The following DHX38 variants were observed in gnomAD, a reference collection of about 807,000 sequenced individuals.
The protein encoded by DHX38 is pre-mRNA-splicing factor ATP-dependent RNA helicase PRP16.
In DHX38, 100 loss-of-function variants were observed where a neutral mutation model predicts 153.1. That is an observed-to-expected ratio of 0.65 (90% CI 0.56 to 0.77). DHX38 has a LOEUF of 0.77. Ranked by LOEUF, DHX38 falls within the 30% of genes least tolerant of loss-of-function variation. The pLI is 0.00. For synonymous variants in DHX38, 650 were observed against 631.7 expected (o/e 1.03, Z -0.43); for missense variants, 1,440 against 1,654.0 (o/e 0.87, Z 2.24).
intron 25 of DHX38, 99 bp downstream of exon 25, chr16:72,109,609 T>TTC (rs1491475844): frequency 9.0e-7 from 1 of 1,110,160 alleles, no homozygotes; most frequent in African/African-American, 1.6e-5. Flanking sequence ...ACCCACTTAC[T>TTC]TCTCTCTGCA....
At position 72,096,495 on chromosome 16, in the gene DHX38, A is replaced by G. The variant is rs766477020; in HGVS notation, c.323+15A>G. On this transcript the variant is annotated intron_variant, in intron 2 of 26. Transcript: ENST00000268482. Reference sequence around the variant, plus strand: ...CGGAAAGACAGGTAAAGGCCTTAGTATGGGTTAGCCCAGAGGGAAGCGAAC... The same window carrying G: ...CGGAAAGACAGGTAAAGGCCTTAGTGTGGGTTAGCCCAGAGGGAAGCGAAC... 8 of 1,605,288 alleles carry G rather than the reference A, an allele frequency of 5.0e-6. No individual in the cohort carries two copies. Among genetic ancestry groups the G allele is most frequent in the Non-Finnish European group, 6.8e-6 (8 of 1,176,056 alleles).
intron 7 of DHX38, 149 bp from the exon 8 acceptor site, chr16:72,099,583 G>A: frequency 9.3e-7 from 1 of 1,072,624 alleles, no homozygotes; most frequent in Non-Finnish European, 1.3e-6. Context: ...GATGGCATGT[G>A]TCTGCAGGGA....
intron 12 of DHX38, 71 bp from the exon 13 acceptor site, chr16:72,103,531 G>C (rs983897574): frequency 8.5e-6 from 13 of 1,523,784 alleles, no homozygotes; most frequent in Non-Finnish European, 1.2e-5. Context: ...GGAGGTAGCG[G>C]AGTCTTCTTG....
chr16:72,103,838 A>T lies in DHX38; in HGVS notation c.1824+50A>T, dbSNP rs748046995. ...ATGTAGTTATTCCCTAGTAGCTTCC[A>T]CCCATTTTTGCTAAAGGGTGTGATC... On this transcript the variant is annotated intron_variant, in intron 13 of 26. Coordinates refer to ENST00000268482, the MANE Select transcript of DHX38 (RefSeq NM_014003.4). The T allele has an allele frequency of 1.3e-5, 20 of 1,596,510 alleles. No individual in the cohort carries two copies. In the South Asian group the frequency reaches 2.2e-4, roughly 18 times the overall value.
Position 72,103,660 on chromosome 16 carries a change from ACG to A in DHX38, c.1698_1699del (p.Gln567ValfsTer4), listed in dbSNP as rs771683810. On this transcript the variant is annotated frameshift_variant, in exon 13 of 27. Coordinates refer to ENST00000268482, the MANE Select transcript of DHX38 (RefSeq NM_014003.4). LOFTEE classifies it high-confidence loss of function. The part of the protein sequence containing the change: ...ETGSGKTTQL[T>X]QYLHEDGYTD... Reference sequence around the variant, plus strand: ...GGGGAGTGGTAAGACCACTCAGCTGACGCAGTACCTGCATGAAGATGGTTACA... The same window carrying A: ...GGGGAGTGGTAAGACCACTCAGCTGACAGTACCTGCATGAAGATGGTTACA... The A allele has an allele frequency of 6.2e-7, 1 of 1,613,954 alleles. No homozygotes were observed. Among genetic ancestry groups the A allele is most frequent in the Non-Finnish European group, 8.5e-7 (1 of 1,179,828 alleles).
At chr16:72,100,125 C>G (rs1163471128) in intron 8 of DHX38, among the ~76,000 whole-genome samples, 1 of 152,168 alleles carries the variant, frequency 6.6e-6, no homozygotes, top group Non-Finnish European at 1.5e-5. Context: ...TTGATGGGAA[C>G]AGGTGCATTG....
intron 3 of DHX38, chr16:72,097,329 G>C: frequency 2.5e-6 from 1 of 404,956 alleles, no homozygotes; most frequent in Non-Finnish European, 4.5e-6. Context: ...CAGTGCTATG[G>C]AACAAAGCTA....
In DHX38 at chr16:72,103,025, G is replaced by C. The variant is rs1459645186; in HGVS notation, c.1500-49G>C. ...GGAGGGCAGCAACCCAATCAGGAAG[G>C]ACAGCATGGGGCACCATGCAGGGTG... On this transcript the variant is annotated intron_variant, in intron 11 of 26. Coordinates refer to ENST00000268482, the MANE Select transcript of DHX38 (RefSeq NM_014003.4). 13 of 1,601,206 alleles carry C rather than the reference G, an allele frequency of 8.1e-6. No homozygotes were observed. In the Admixed American group the frequency reaches 2.2e-4, roughly 27 times the overall value.
At chr16:72,110,839 T>A in intron 25 of DHX38, 117 bp from the exon 26 acceptor site, 3 of 1,382,722 alleles carry the variant, frequency 2.2e-6, no homozygotes, top group African/African-American at 1.5e-5. Context: ...GGCAGCCATG[T>A]GGAGCACTGG....
Position 72,099,256 on chromosome 16 carries a change from G to C in DHX38, c.936G>C (p.Arg312=), listed in dbSNP as rs1567604672. Residue 312 remains arginine, a synonymous_variant, in exon 7 of 27, where the codon CGG becomes CGC. Coordinates refer to ENST00000268482, the MANE Select transcript of DHX38 (RefSeq NM_014003.4). ...TTTCATTTGACACGGAGGAGGAGCG[G>C]CAGCAGTGGGAAGATGACCAGAGGG... ...EGISFDTEEE[R]QQWEDDQRQA... The C allele has an allele frequency of 6.2e-7, 1 of 1,612,532 alleles. No homozygotes were observed. The highest frequency in any genetic ancestry group is 8.5e-7 in the Non-Finnish European group (1 of 1,179,504).
At position 72,104,213 on chromosome 16, in the gene DHX38, G is replaced by T. The variant is rs12325142; in HGVS notation, c.2010+82G>T. 0.38 allele frequency: 576,318 copies of T among 1,527,510 alleles called. 114,459 individuals carry two copies. Among genetic ancestry groups the T allele is most frequent in the African/African-American group, 0.71 (52,385 of 73,288 alleles). 94.6% of individuals were successfully genotyped at this position (1,527,510 alleles called of 1,614,324 possible). On this transcript the variant is annotated intron_variant, in intron 14 of 26. Coordinates refer to ENST00000268482, the MANE Select transcript of DHX38 (RefSeq NM_014003.4). This position sits in a 1 kb window ranked among gnomAD's most constrained non-coding sequence, Gnocchi z 4.5. Reference sequence around the variant, plus strand: ...AGTAGCTAGTGGGTTGCTCCAGGTGGGCTGAGGGGGTCTCTGGTAGGCCAG... The same window carrying T: ...AGTAGCTAGTGGGTTGCTCCAGGTGTGCTGAGGGGGTCTCTGGTAGGCCAG...
Position 72,104,082 on chromosome 16 carries a change from C to T in DHX38, c.1961C>T (p.Ala654Val). 1.2e-6 allele frequency: 2 copies of T among 1,614,150 alleles called. No homozygotes were observed. The highest frequency in any genetic ancestry group is 1.7e-6 in the Non-Finnish European group (2 of 1,180,036). Residue 654 changes from alanine (A) to valine (V), a missense_variant, in exon 14 of 27, where the codon GCC (alanine) becomes GTC (valine). Physicochemically the swap from Ala to Val is moderately conservative, Grantham distance 64. Coordinates refer to ENST00000268482, the MANE Select transcript of DHX38 (RefSeq NM_014003.4). The surrounding 1 kb of genome is among the most constrained non-coding windows in gnomAD (Gnocchi z 4.5). Reference sequence around the variant, plus strand: ...TACAGTGCCATCATCATGGACGAGGCCCACGAGCGCTCCCTCAACACTGAC... The same window carrying T: ...TACAGTGCCATCATCATGGACGAGGTCCACGAGCGCTCCCTCAACACTGAC... ...DHYSAIIMDE[A>V]HERSLNTDVL...
chr16:72,096,542 C>T lies in DHX38; in HGVS notation c.323+62C>T, dbSNP rs370538568. 15 of 1,495,494 alleles carry T rather than the reference C, an allele frequency of 1.0e-5. No individual in the cohort carries two copies. The South Asian group carries it at 1.6e-4, about 16-fold the overall frequency. 92.6% of individuals were successfully genotyped at this position (1,495,494 alleles called of 1,614,324 possible). ...GAACGGAGGCTGGAAAATAACAGCTCATGTTTATCTCTCAGTTTTCCTGTT... is the reference window on the plus strand; with the variant it reads ...GAACGGAGGCTGGAAAATAACAGCTTATGTTTATCTCTCAGTTTTCCTGTT... On this transcript the variant is annotated intron_variant, in intron 2 of 26. Coordinates refer to ENST00000268482, the MANE Select transcript of DHX38 (RefSeq NM_014003.4).
At position 72,105,798 on chromosome 16, in the gene DHX38, A is replaced by G. The variant is rs1347887812; in HGVS notation, c.2487+174A>G. 4.6e-5 allele frequency among the ~76,000 whole-genome samples: 7 copies of G among 152,122 alleles called. 1 individual carries two copies. In the East Asian group the frequency reaches 1.4e-3, roughly 29 times the overall value. On this transcript the variant is annotated intron_variant, in intron 18 of 26. Coordinates refer to ENST00000268482, the MANE Select transcript of DHX38 (RefSeq NM_014003.4). ...GTGCTTGGTTTGTTTAACCCTTGTA[A>G]TACTCGATGAGGTAGATAATTTAAC...
At position 72,104,160 on chromosome 16, in the gene DHX38, C is replaced by A. The variant is rs764996025; in HGVS notation, c.2010+29C>A. 3.2e-5 allele frequency: 51 copies of A among 1,607,638 alleles called. No individual in the cohort carries two copies. The highest frequency in any genetic ancestry group is 2.8e-4 in the South Asian group (25 of 90,746). ...AGGGCTGTGTGGTTTGGTCTCTCTG[C>A]GCATGGGGTGTTGACCAGTGCACCA... is the stretch of plus-strand genomic sequence containing the variant. On this transcript the variant is annotated intron_variant, in intron 14 of 26. Coordinates refer to ENST00000268482, the MANE Select transcript of DHX38 (RefSeq NM_014003.4). The surrounding 1 kb of genome is among the most constrained non-coding windows in gnomAD (Gnocchi z 4.5).
intron 4 of DHX38, 102 bp from the exon 5 acceptor site, chr16:72,098,543 A>T: frequency 6.9e-7 from 1 of 1,443,346 alleles, no homozygotes; most frequent in East Asian, 2.3e-5. Flanking sequence ...GTTTAGAAAT[A>T]GTAAAAGGAG....
At position 72,107,751 on chromosome 16, in the gene DHX38, G is replaced by C; in HGVS notation, c.2916G>C (p.Leu972=). 6.2e-7 allele frequency: 1 copy of C among 1,614,070 alleles called. No homozygotes were observed. The highest frequency in any genetic ancestry group is 8.5e-7 in the Non-Finnish European group (1 of 1,180,042). Residue 972 remains leucine (L), a synonymous_variant, in exon 21 of 27, where the codon CTG becomes CTC. Transcript: ENST00000268482. The surrounding 1 kb of genome is among the most constrained non-coding windows in gnomAD (Gnocchi z 5.3). ...ACATGGGCTGCAGCTCCGAGATCCTGCTCATCGTTTCCATGCTCTCGGTCC... is the reference window on the plus strand; with the variant it reads ...ACATGGGCTGCAGCTCCGAGATCCTCCTCATCGTTTCCATGCTCTCGGTCC... ...SCDMGCSSEI[L]LIVSMLSVPA...
chr16:72,098,278 C>T (rs1361833435), intron 4 of DHX38, among the ~76,000 whole-genome samples: 1 of 151,870 alleles, frequency 6.6e-6, no homozygotes, highest in Non-Finnish European at 1.5e-5. Context: ...ACTAAAAATA[C>T]AAAAATTAGC....
chr16:72,109,594 A>G, intron 25 of DHX38, 84 bp downstream of exon 25: 1 of 1,290,808 alleles, frequency 7.7e-7, no homozygotes, highest in Non-Finnish European at 1.1e-6. Context: ...ACTTGCGGTC[A>G]TCCAACCCAC....
Sources: allele counts gnomAD v4.1 joint callset (sites outside exome capture counted in the v4.1 genomes callset), GRCh38; gene constraint gnomAD v4.1.1; non-coding constraint Gnocchi (gnomAD v3.1); transcripts MANE v1.5; gene names NCBI Gene and HGNC (gene_info 2026-07-23, HGNC 2026-07-21).